RRP1B: variants seen among roughly 807,000 people sequenced by gnomAD.
RRP1B encodes the protein ribosomal RNA processing 1B, also known as ribosomal RNA processing protein 1 homolog B.
In RRP1B, 56 loss-of-function variants were observed where a neutral mutation model predicts 80.2. The ratio of observed to expected loss-of-function variants is 0.70; its 90% CI spans 0.56 to 0.87. RRP1B has a LOEUF of 0.87. Among genes scored for constraint, RRP1B ranks in the 40% least tolerant of loss-of-function variants. The pLI is 0.00. For synonymous variants in RRP1B, 351 were observed against 357.6 expected, an observed-to-expected ratio of 0.98 and a Z score of 0.21; for missense variants, 807 against 939.8, an observed-to-expected ratio of 0.86 and a Z score of 1.85.
In RRP1B at chr21:43,675,148, A is replaced by C. The variant is rs2083016616; in HGVS notation, c.534A>C (p.Lys178Asn). Residue 178 changes from lysine (K) to asparagine (N), a missense_variant, in exon 6 of 16, where the codon AAA (lysine) becomes AAC (asparagine). Coordinates refer to ENST00000340648, the MANE Select transcript of RRP1B (RefSeq NM_015056.3). ...FIDIYLDELS[K>N]VGGKELLADQ... The stretch of plus-strand genomic sequence containing the variant: ...ATATTTACCTGGATGAACTCTCCAA[A>C]GTCGGGGGGAAGGAGGTAAGCAGCT... The C allele has an allele frequency of 6.2e-7, 1 of 1,613,942 alleles. No homozygotes were observed. Among genetic ancestry groups the C allele is most frequent in the South Asian group, 1.1e-5 (1 of 91,074 alleles).
At position 43,686,784 on chromosome 21, in the gene RRP1B, T is replaced by C. The variant is rs1487216177; in HGVS notation, c.1010-20T>C. The C allele has an allele frequency of 6.2e-7, 1 of 1,613,528 alleles. No homozygotes were observed. Among genetic ancestry groups the C allele is most frequent in the Non-Finnish European group, 8.5e-7 (1 of 1,179,748 alleles). Reference sequence around the variant, plus strand: ...CTTGAGCGCCTGGGGAAGCTAACAGTGTGTCACTCTGGCATCTAGGAAGCA... The same window carrying C: ...CTTGAGCGCCTGGGGAAGCTAACAGCGTGTCACTCTGGCATCTAGGAAGCA... On this transcript the variant is annotated intron_variant, in intron 11 of 15. Coordinates refer to ENST00000340648, the MANE Select transcript of RRP1B (RefSeq NM_015056.3).
At chr21:43,673,791 T>G (rs573408672) in intron 3 of RRP1B, 79 bp from the exon 4 acceptor site, 107 of 842,050 alleles carry the variant, frequency 1.3e-4, no homozygotes, top group Non-Finnish European at 5.1e-5. Flanking sequence ...TGCTAGTTTG[T>G]TCCTCTTCAT....
chr21:43,680,759 G>A (rs775047718), intron 8 of RRP1B, among the ~76,000 whole-genome samples: 2 of 152,074 alleles, frequency 1.3e-5, no homozygotes, highest in Non-Finnish European at 2.9e-5. Flanking sequence ...TGCCCAGGCT[G>A]GTCTTAAACT....
intron 13 of RRP1B, among the ~76,000 whole-genome samples, chr21:43,688,562 C>A (rs994209111): frequency 7.9e-5 from 12 of 152,234 alleles, no homozygotes; most frequent in African/African-American, 2.9e-4. Context: ...AGGCCTCTGT[C>A]AAAGGCAGGT....
rs938073650 is a variant in RRP1B, at chr21:43,688,214, T to A, written c.1840T>A (p.Ser614Thr). 1 of 1,566,700 alleles carries A rather than the reference T, an allele frequency of 6.4e-7. No individual in the cohort carries two copies. Among genetic ancestry groups the A allele is most frequent in the Non-Finnish European group, 8.7e-7 (1 of 1,154,474 alleles). ...GGTGGAGCACAACGGGGTGCTGGAGTCCGAAGCTGGGCAACCCCAGGCTCT... is the reference window on the plus strand; with the variant it reads ...GGTGGAGCACAACGGGGTGCTGGAGACCGAAGCTGGGCAACCCCAGGCTCT... ...NLVEHNGVLESEAGQPQALGS... is the reference protein window; with the variant it reads ...NLVEHNGVLETEAGQPQALGS... The change falls in exon 13 of 16, where the codon TCC (serine) becomes ACC (threonine). Residue 614 changes from serine (S) to threonine (T), a missense_variant. Transcript: ENST00000340648.
At chr21:43,668,604 C>T (rs1451641644) in intron 1 of RRP1B, among the ~76,000 whole-genome samples, 6 of 152,170 alleles carry the variant, frequency 3.9e-5, no homozygotes, top group East Asian at 1.9e-4. Context: ...CGTCTGACCC[C>T]GTGATCCGCC....
chr21:43,665,528 C>T (rs535430816), intron 1 of RRP1B, among the ~76,000 whole-genome samples: 1 of 152,260 alleles, frequency 6.6e-6, no homozygotes, highest in African/African-American at 2.4e-5. Context: ...CTACGCCATG[C>T]TAGTTTTATT....
At position 43,691,458 on chromosome 21, in the gene RRP1B, G is replaced by A. The variant is rs1183698665; in HGVS notation, c.2039G>A (p.Ser680Asn). The change falls in exon 15 of 16, where the codon AGC becomes AAC. Residue 680 changes from serine to asparagine, a missense_variant. Coordinates refer to ENST00000340648, the MANE Select transcript of RRP1B (RefSeq NM_015056.3). This position sits in a 1 kb window ranked among gnomAD's most constrained non-coding sequence, Gnocchi z 4.2. ...PAVQLNKTPS[S>N]SKKVTFGLNR... ...CTGCAGCTAAACAAGACACCATCCA[G>A]CTCCAAGAAAGTCACCTTTGGGCTG... The A allele has an allele frequency of 6.2e-7, 1 of 1,613,990 alleles. No homozygotes were observed. The highest frequency in any genetic ancestry group is 2.2e-5 in the East Asian group (1 of 44,882).
chr21:43,688,366 G>A (rs1450267693), intron 13 of RRP1B, 126 bp downstream of exon 13: 2 of 1,170,256 alleles, frequency 1.7e-6, no homozygotes, highest in East Asian at 5.2e-5. Flanking sequence ...GCAGCAGTTA[G>A]AATAGGGTGT....
chr21:43,678,766 A>G (rs1219405445), intron 8 of RRP1B, among the ~76,000 whole-genome samples: 1 of 151,998 alleles, frequency 6.6e-6, no homozygotes, highest in Non-Finnish European at 1.5e-5. Flanking sequence ...GAAGCTTTTT[A>G]GTTTAATTAA....
chr21:43,675,269 T>A, intron 6 of RRP1B, 106 bp downstream of exon 6: 1 of 1,060,460 alleles, frequency 9.4e-7, no homozygotes, highest in Non-Finnish European at 1.4e-6. Flanking sequence ...CCAGCGACTG[T>A]AGCAGCGTGA....
chr21:43,671,164 A>G (rs1159888671), intron 2 of RRP1B, among the ~76,000 whole-genome samples: 1 of 152,120 alleles, frequency 6.6e-6, no homozygotes, highest in Non-Finnish European at 1.5e-5. Flanking sequence ...GCACCTCAGC[A>G]GGGCATGCTC....
At chr21:43,677,030 TG>T in intron 8 of RRP1B, 116 bp downstream of exon 8, 1 of 1,020,372 alleles carries the variant, frequency 9.8e-7, no homozygotes, top group African/African-American at 1.6e-5. Context: ...TTGATGGCTC[TG>T]CCTCAGCCCC....
chr21:43,684,408 G>C (rs2083055668), intron 9 of RRP1B, 145 bp from the exon 10 acceptor site: 1 of 688,164 alleles, frequency 1.5e-6, no homozygotes, highest in Non-Finnish European at 2.6e-6. Flanking sequence ...TTGTGCTCCT[G>C]GTTGCCAAGT....
At position 43,691,931 on chromosome 21, in the gene RRP1B, G is replaced by A. The variant is rs2083088512; in HGVS notation, c.2083+429G>A. 6.6e-6 allele frequency among the ~76,000 whole-genome samples: 1 copy of A among 152,118 alleles called. No individual in the cohort carries two copies. The highest frequency in any genetic ancestry group is 2.4e-5 in the African/African-American group (1 of 41,428). On this transcript the variant is annotated intron_variant, in intron 15 of 15. Coordinates refer to ENST00000340648, the MANE Select transcript of RRP1B (RefSeq NM_015056.3). The surrounding 1 kb of genome is among the most constrained non-coding windows in gnomAD (Gnocchi z 4.2). ...CAAAGATCTGGGATTACAAGCGTGA[G>A]CCACCGAGCCCGGCCCCTCACTGCC...
intron 1 of RRP1B, among the ~76,000 whole-genome samples, chr21:43,662,867 T>G (rs560942909): frequency 2.8e-4 from 43 of 152,374 alleles, no homozygotes; most frequent in Non-Finnish European, 5.7e-4. Context: ...CCTGCCTATC[T>G]TATCAGTTCT....
At chr21:43,679,939 GT>G (rs1183869487) in intron 8 of RRP1B, among the ~76,000 whole-genome samples, 1 of 152,002 alleles carries the variant, frequency 6.6e-6, no homozygotes. Context: ...TTTGGTAGGG[GT>G]TTTTTTGCAG....
At chr21:43,668,098 ACT>A (rs2082985487) in intron 1 of RRP1B, among the ~76,000 whole-genome samples, 1 of 151,264 alleles carries the variant, frequency 6.6e-6, no homozygotes, top group Non-Finnish European at 1.5e-5. Flanking sequence ...AATCCCAGCT[ACT>A]CTTGAGGCTG....
chr21:43,684,437 A>G (rs1568959228), intron 9 of RRP1B, 116 bp from the exon 10 acceptor site: 4 of 846,812 alleles, frequency 4.7e-6, no homozygotes, highest in South Asian at 3.0e-5. Flanking sequence ...AAGCTTGTTT[A>G]GCCTATCTGT....
Sources: allele counts gnomAD v4.1 joint callset (sites outside exome capture counted in the v4.1 genomes callset), GRCh38; gene constraint gnomAD v4.1.1; non-coding constraint Gnocchi (gnomAD v3.1); transcripts MANE v1.5; gene names NCBI Gene and HGNC (gene_info 2026-07-23, HGNC 2026-07-21).